The following GLIS3 variants were observed in gnomAD, a reference collection of about 807,000 sequenced individuals.
GLIS3 encodes GLIS family zinc finger 3.
In GLIS3, 53 loss-of-function variants were observed where a neutral mutation model predicts 78.6. That is an observed-to-expected ratio of 0.67 (90% CI 0.54 to 0.85). GLIS3 has a LOEUF of 0.85. Among genes scored for constraint, GLIS3 ranks in the 40% least tolerant of loss-of-function variants. The probability of loss-of-function intolerance (pLI) is 0.00; values close to 1 mark genes in which losing one functional copy is unlikely to be tolerated. For synonymous variants in GLIS3, 684 were observed against 509.9 expected, an observed-to-expected ratio of 1.34 and a Z score of -4.60; for missense variants, 1,703 against 1,231.1, an observed-to-expected ratio of 1.38 and a Z score of -5.74.
chr9:4,269,484 T>C (rs1269001157), intron 2 of GLIS3, among the ~76,000 whole-genome samples: 1 of 152,186 alleles, frequency 6.6e-6, no homozygotes, highest in Non-Finnish European at 1.5e-5. Flanking sequence ...CAACGTTATA[T>C]CAGTTATATC....
chr9:4,325,737 A>G (rs2130555276), intron 2 of GLIS3, among the ~76,000 whole-genome samples: 1 of 152,288 alleles, frequency 6.6e-6, no homozygotes, highest in Middle Eastern at 3.4e-3. Flanking sequence ...TCATCTATCA[A>G]AGTAATCTTG....
the GLIS3 span, among the ~76,000 whole-genome samples, chr9:4,399,776 G>A: frequency 6.6e-6 from 1 of 152,290 alleles, no homozygotes; most frequent in African/African-American, 2.4e-5. Flanking sequence ...GGGATGCTAT[G>A]AGCAGCTACA....
At chr9:3,930,966 C>T (rs1825572395) in intron 6 of GLIS3, among the ~76,000 whole-genome samples, 1 of 152,154 alleles carries the variant, frequency 6.6e-6, no homozygotes, top group Non-Finnish European at 1.5e-5. Context: ...TTTAAGAAGA[C>T]TAAGCACTTG....
chr9:3,984,343 G>A (rs1034458446), intron 4 of GLIS3, among the ~76,000 whole-genome samples: 3 of 152,220 alleles, frequency 2.0e-5, no homozygotes, highest in African/African-American at 7.2e-5. Flanking sequence ...AAGACCATGG[G>A]AACACACCTC....
intron 2 of GLIS3, among the ~76,000 whole-genome samples, chr9:4,257,520 A>G (rs757060659): frequency 6.6e-6 from 1 of 152,206 alleles, no homozygotes; most frequent in Non-Finnish European, 1.5e-5. Flanking sequence ...AGGTAACTAT[A>G]TAAGATGATA....
At chr9:4,469,976 A>G in the GLIS3 span, among the ~76,000 whole-genome samples, 1 of 151,776 alleles carries the variant, frequency 6.6e-6, no homozygotes, top group Non-Finnish European at 1.5e-5. Flanking sequence ...CAGAAACACA[A>G]ACTACCATCA....
At chr9:4,214,412 A>C (rs145534251) in intron 2 of GLIS3, among the ~76,000 whole-genome samples, 12 of 152,196 alleles carry the variant, frequency 7.9e-5, no homozygotes, top group Non-Finnish European at 1.6e-4. Context: ...CAGCCAATCA[A>C]TATCTCCATC....
chr9:4,253,141 G>A (rs1824557707), intron 2 of GLIS3, among the ~76,000 whole-genome samples: 1 of 152,262 alleles, frequency 6.6e-6, no homozygotes, highest in South Asian at 2.1e-4. Context: ...CTCAAGCGCT[G>A]TGCTGGGAGA....
At chr9:3,854,096 G>C (rs1352061733) in intron 9 of GLIS3, among the ~76,000 whole-genome samples, 4 of 152,214 alleles carry the variant, frequency 2.6e-5, no homozygotes, top group Admixed American at 2.6e-4. Context: ...CTCAGGCTGT[G>C]CATCTACTGC....
At chr9:4,354,274 C>T in the GLIS3 span, among the ~76,000 whole-genome samples, 4 of 152,270 alleles carry the variant, frequency 2.6e-5, no homozygotes, top group South Asian at 6.2e-4. Context: ...TCCAGCCAAA[C>T]TTCCTGAGAC....
chr9:3,881,796 G>T (rs978004720), intron 7 of GLIS3, among the ~76,000 whole-genome samples: 1 of 152,096 alleles, frequency 6.6e-6, no homozygotes. Flanking sequence ...TTTAATGAAG[G>T]GAGCAGACCT....
At chr9:4,442,652 T>C in the GLIS3 span, among the ~76,000 whole-genome samples, 21 of 152,006 alleles carry the variant, frequency 1.4e-4, no homozygotes, top group African/African-American at 5.1e-4. Context: ...CTTAAATATA[T>C]ATATTTCAAA....
chr9:4,000,088 G>T (rs1821027492), intron 4 of GLIS3, among the ~76,000 whole-genome samples: 1 of 152,138 alleles, frequency 6.6e-6, no homozygotes, highest in Non-Finnish European at 1.5e-5. Context: ...AAATATCCAT[G>T]ATGGTTAAAT....
intron 4 of GLIS3, among the ~76,000 whole-genome samples, chr9:4,020,476 T>C (rs1040001766): frequency 3.3e-5 from 5 of 152,142 alleles, no homozygotes; most frequent in African/African-American, 9.7e-5. Flanking sequence ...CCTGGTCAAT[T>C]TGAAAAAATT....
chr9:4,082,413 G>T (rs1041256813), intron 4 of GLIS3, among the ~76,000 whole-genome samples: 1 of 152,150 alleles, frequency 6.6e-6, no homozygotes, highest in African/African-American at 2.4e-5. Flanking sequence ...AACTTTTAAA[G>T]AAATTTAAGT....
intron 4 of GLIS3, among the ~76,000 whole-genome samples, chr9:3,996,414 G>C (rs1820747564): frequency 6.6e-6 from 1 of 152,168 alleles, no homozygotes; most frequent in African/African-American, 2.4e-5. Flanking sequence ...ATAGATTCTG[G>C]AGGATGGGGT....
chr9:4,336,158 T>C (rs1224094188), intron 2 of GLIS3, among the ~76,000 whole-genome samples: 2 of 152,350 alleles, frequency 1.3e-5, no homozygotes, highest in Middle Eastern at 3.4e-3. Flanking sequence ...TCTCTGGCTC[T>C]AGCCCACTGC....
rs573349805 is a variant in GLIS3, at chr9:4,196,551, A to G, written c.389-70610T>C. On this transcript the variant is annotated intron_variant, in intron 2 of 10. Coordinates refer to ENST00000381971, the MANE Select transcript of GLIS3 (RefSeq NM_001042413.2). The stretch of plus-strand genomic sequence containing the variant: ...CTGAGGCCAGCAAGACCACGAACCC[A>G]CTGAGAGGAATGAACAACTCCAGAC... 5.3e-4 allele frequency among the ~76,000 whole-genome samples: 80 copies of G among 152,308 alleles called. 1 individual carries two copies. Among genetic ancestry groups the G allele is most frequent in the Non-Finnish European group, 9.7e-4 (66 of 68,014 alleles).
chr9:4,432,710 G>C, the GLIS3 span, among the ~76,000 whole-genome samples: 8 of 137,396 alleles, frequency 5.8e-5, no homozygotes, highest in Non-Finnish European at 1.2e-4. Flanking sequence ...GCACAATCTT[G>C]GCTCACTGTA....
Sources: allele counts gnomAD v4.1 joint callset (sites outside exome capture counted in the v4.1 genomes callset), GRCh38; gene constraint gnomAD v4.1.1; transcripts MANE v1.5; gene names NCBI Gene and HGNC (gene_info 2026-07-23, HGNC 2026-07-21).